RORA: variants seen among roughly 807,000 people sequenced by gnomAD.
RORA encodes RAR related orphan receptor A, also known as nuclear receptor ROR-alpha.
RORA carries 7 observed loss-of-function variants against 69.5 expected under a neutral mutation model. The observed-to-expected ratio is 0.10, with a 90% CI of 0.06 to 0.19. The LOEUF (loss-of-function observed/expected upper bound fraction) is 0.19, where lower values mean the gene tolerates loss of function less well. Ranked by LOEUF, RORA falls within the 10% of genes least tolerant of loss-of-function variation. The pLI is 1.00. For synonymous variants in RORA, 261 were observed against 240.8 expected (o/e 1.08, Z -0.78); for missense variants, 457 against 663.0 (o/e 0.69, Z 3.41).
chr15:61,030,769 C>A (rs1165064667), intron 1 of RORA, among the ~76,000 whole-genome samples: 1 of 152,058 alleles, frequency 6.6e-6, no homozygotes, highest in Admixed American at 6.6e-5. Context: ...GCGTGTATAT[C>A]CAACTTACTA....
chr15:60,968,515 G>A (rs1459170956), intron 1 of RORA, among the ~76,000 whole-genome samples: 1 of 152,170 alleles, frequency 6.6e-6, no homozygotes, highest in African/African-American at 2.4e-5. Context: ...GGAATCAACT[G>A]GGAGCTCCAA....
At chr15:60,505,261 G>A (rs1344945516) in intron 6 of RORA, among the ~76,000 whole-genome samples, 1 of 152,144 alleles carries the variant, frequency 6.6e-6, no homozygotes, top group Non-Finnish European at 1.5e-5. Flanking sequence ...TTCTCCTGTT[G>A]ACAAATGGAA....
Position 60,972,355 on chromosome 15 carries a change from G to A in RORA, c.166+256698C>T, listed in dbSNP as rs537733160. 9.2e-5 allele frequency among the ~76,000 whole-genome samples: 14 copies of A among 152,312 alleles called. No individual in the cohort carries two copies. In the South Asian group the frequency reaches 1.7e-3, roughly 18 times the overall value. Reference sequence around the variant, plus strand: ...GGCTGCAGCTATGATATAAAAATACGCATGTGTATGTGTGTAGCTCACGAA... The same window carrying A: ...GGCTGCAGCTATGATATAAAAATACACATGTGTATGTGTGTAGCTCACGAA... On this transcript the variant is annotated intron_variant, in intron 1 of 10. Transcript: ENST00000335670.
At chr15:61,078,404 G>C (rs1825185456) in intron 1 of RORA, among the ~76,000 whole-genome samples, 1 of 149,028 alleles carries the variant, frequency 6.7e-6, no homozygotes, top group Admixed American at 6.8e-5. Context: ...TCACCATGTT[G>C]GCCAGGCTGG....
chr15:61,137,937 T>A (rs2079260790), intron 1 of RORA, among the ~76,000 whole-genome samples: 2 of 152,180 alleles, frequency 1.3e-5, no homozygotes, highest in African/African-American at 4.8e-5. Flanking sequence ...AATTGGAAAG[T>A]TATTGTCCAC....
chr15:61,053,863 A>ATATATATATATATATATATATATATAT (rs1555406156), intron 1 of RORA, among the ~76,000 whole-genome samples: 118 of 136,994 alleles, frequency 8.6e-4, no homozygotes, highest in Middle Eastern at 7.8e-3. Context: ...ATATATATAT[A>ATATATATATATATATATATATATATAT]AACATTCTTC....
intron 1 of RORA, among the ~76,000 whole-genome samples, chr15:61,162,190 T>G (rs11631763): frequency 0.37 from 55,511 of 152,068 alleles, 12,407 homozygotes; most frequent in Non-Finnish European, 0.49. Context: ...TAACGAATGT[T>G]CTTTGCAGTG....
intron 1 of RORA, among the ~76,000 whole-genome samples, chr15:60,750,229 G>T (rs2071704411): frequency 6.6e-6 from 1 of 152,192 alleles, no homozygotes; most frequent in South Asian, 2.1e-4. Context: ...GCCAAAGTCT[G>T]ACTCCAAAGC....
chr15:60,858,798 A>G (rs1220392287), intron 1 of RORA, among the ~76,000 whole-genome samples: 1 of 152,052 alleles, frequency 6.6e-6, no homozygotes, highest in Non-Finnish European at 1.5e-5. Context: ...AGTGCTGAGA[A>G]TGGGATTGCT....
chr15:61,053,305 C>A (rs985960982), intron 1 of RORA, among the ~76,000 whole-genome samples: 1 of 151,342 alleles, frequency 6.6e-6, no homozygotes, highest in Non-Finnish European at 1.5e-5. Context: ...TGCCCCCCAA[C>A]ACCCACCCCC....
At chr15:60,700,366 C>G (rs2070965382) in intron 1 of RORA, among the ~76,000 whole-genome samples, 1 of 152,184 alleles carries the variant, frequency 6.6e-6, no homozygotes, top group Admixed American at 6.5e-5. Flanking sequence ...GACCATACCC[C>G]AAATCCTTGA....
intron 1 of RORA, among the ~76,000 whole-genome samples, chr15:60,723,798 A>G (rs532136599): frequency 6.5e-4 from 99 of 152,254 alleles, no homozygotes; most frequent in Non-Finnish European, 9.9e-4. Flanking sequence ...TGGGGCTTGG[A>G]GGCTACAAGA....
intron 1 of RORA, among the ~76,000 whole-genome samples, chr15:61,161,097 C>A (rs1031747054): frequency 7.9e-5 from 12 of 152,036 alleles, no homozygotes; most frequent in African/African-American, 2.4e-4. Flanking sequence ...CTCAGAAGCC[C>A]AATATGTAAA....
chr15:61,042,586 C>A (rs576797754), intron 1 of RORA, among the ~76,000 whole-genome samples: 1 of 152,232 alleles, frequency 6.6e-6, no homozygotes, highest in Non-Finnish European at 1.5e-5. Flanking sequence ...TCACAAAAGA[C>A]TGTACGTAAT....
At chr15:61,137,032 A>AAAGT (rs2079248456) in intron 1 of RORA, among the ~76,000 whole-genome samples, 3 of 104,910 alleles carry the variant, frequency 2.9e-5, no homozygotes. Flanking sequence ...AGAAAGAAAG[A>AAAGT]AAGAAAGAAA....
At chr15:60,509,670 T>G (rs2065629074) in intron 5 of RORA, among the ~76,000 whole-genome samples, 1 of 152,178 alleles carries the variant, frequency 6.6e-6, no homozygotes. Context: ...TTTCATGGTA[T>G]CATGTCAGCT....
At chr15:60,966,950 C>G (rs1397860405) in intron 1 of RORA, among the ~76,000 whole-genome samples, 1 of 152,162 alleles carries the variant, frequency 6.6e-6, no homozygotes, top group Non-Finnish European at 1.5e-5. Context: ...GGTGTCATAG[C>G]TTTAGGATAT....
intron 1 of RORA, among the ~76,000 whole-genome samples, chr15:60,869,877 C>T (rs980912557): frequency 5.3e-5 from 8 of 152,194 alleles, no homozygotes; most frequent in African/African-American, 1.9e-4. Context: ...TTGCTTCCTC[C>T]ACACTTATGT....
intron 2 of RORA, among the ~76,000 whole-genome samples, chr15:60,599,445 G>A (rs1217686801): frequency 6.6e-6 from 1 of 152,210 alleles, no homozygotes; most frequent in Non-Finnish European, 1.5e-5. Flanking sequence ...CAGCTACTTG[G>A]GAGGCTGAGG....
Sources: allele counts gnomAD v4.1 joint callset (sites outside exome capture counted in the v4.1 genomes callset), GRCh38; gene constraint gnomAD v4.1.1; transcripts MANE v1.5; gene names NCBI Gene and HGNC (gene_info 2026-07-23, HGNC 2026-07-21).